Variants in LINGO2 observed in about 807,000 individuals in gnomAD.
LINGO2 encodes leucine-rich repeat and immunoglobulin-like domain-containing nogo receptor-interacting protein 2.
A neutral mutation model predicts 30.6 loss-of-function variants in LINGO2; 14 were observed. The observed-to-expected ratio is 0.46, with a 90% CI of 0.30 to 0.72. LINGO2 has a LOEUF of 0.72. LINGO2 is among the 30% of genes least tolerant of loss of function. The pLI is 0.07. For synonymous variants in LINGO2, 317 were observed against 288.5 expected (o/e 1.10, Z -1.00); for missense variants, 729 against 751.7 (o/e 0.97, Z 0.35).
intron 4 of LINGO2, among the ~76,000 whole-genome samples, chr9:28,173,885 C>G (rs1311764856): frequency 6.6e-6 from 1 of 152,160 alleles, no homozygotes; most frequent in Non-Finnish European, 1.5e-5. Flanking sequence ...CAGGAACCCT[C>G]AACTGGACAC....
At chr9:28,802,598 A>G in the LINGO2 span, among the ~76,000 whole-genome samples, 1 of 152,090 alleles carries the variant, frequency 6.6e-6, no homozygotes, top group Non-Finnish European at 1.5e-5. Context: ...CTAATATGGA[A>G]GAAACTATTG....
At chr9:29,070,812 A>G in the LINGO2 span, among the ~76,000 whole-genome samples, 3 of 151,606 alleles carry the variant, frequency 2.0e-5, no homozygotes, top group South Asian at 6.2e-4. Context: ...TTAAAATAAA[A>G]TAAGGCCAAT....
At chr9:28,658,613 A>G (rs1040815580) in intron 1 of LINGO2, among the ~76,000 whole-genome samples, 2 of 152,086 alleles carry the variant, frequency 1.3e-5, no homozygotes, top group African/African-American at 2.4e-5. Flanking sequence ...CAATCTATGC[A>G]TGTCCTTAGA....
At chr9:28,055,883 G>A (rs984433177) in intron 4 of LINGO2, among the ~76,000 whole-genome samples, 1 of 152,138 alleles carries the variant, frequency 6.6e-6, no homozygotes, top group African/African-American at 2.4e-5. Context: ...TTTGGCAAAA[G>A]TTAAATGTGG....
At chr9:28,126,858 A>G (rs1827249866) in intron 4 of LINGO2, among the ~76,000 whole-genome samples, 1 of 152,228 alleles carries the variant, frequency 6.6e-6, no homozygotes, top group African/African-American at 2.4e-5. Context: ...ATTCTCCTTC[A>G]GAGAAACAGT....
chr9:28,766,805 GGAAGGA>G, the LINGO2 span, among the ~76,000 whole-genome samples: 5 of 141,750 alleles, frequency 3.5e-5, no homozygotes, highest in South Asian at 2.1e-4. Flanking sequence ...AGAGAGAGAG[GGAAGGA>G]GAGAGAGAGA....
chr9:28,966,848 A>G, the LINGO2 span, among the ~76,000 whole-genome samples: 2 of 152,118 alleles, frequency 1.3e-5, no homozygotes, highest in African/African-American at 4.8e-5. Flanking sequence ...TAAGTAGAGT[A>G]TATTGTTTTT....
chr9:28,494,218 A>AC (rs1204817715), intron 1 of LINGO2, among the ~76,000 whole-genome samples: 1 of 152,002 alleles, frequency 6.6e-6, no homozygotes, highest in East Asian at 1.9e-4. Context: ...TATTTAGGCT[A>AC]CTTTTTTTTT....
chr9:28,054,166 T>C lies in LINGO2; in HGVS notation c.-86-41761A>G, dbSNP rs145821081. On this transcript the variant is annotated intron_variant, in intron 4 of 5. Coordinates refer to ENST00000379992, the Ensembl canonical transcript of LINGO2. ...AAGTTATTGGGACCTTAGCCTGTTG[T>C]ACATTTATTATAAGGCATTAGGAGA... 5.9e-5 allele frequency among the ~76,000 whole-genome samples: 9 copies of C among 152,186 alleles called. No homozygotes were observed. The East Asian group carries it at 1.2e-3, about 20-fold the overall frequency.
At chr9:29,095,070 C>A in the LINGO2 span, among the ~76,000 whole-genome samples, 2 of 138,600 alleles carry the variant, frequency 1.4e-5, no homozygotes, top group East Asian at 5.0e-4. Context: ...GAAATGTTTA[C>A]AAGTTCATTG....
At chr9:28,488,981 T>A (rs1009508915) in intron 1 of LINGO2, among the ~76,000 whole-genome samples, 4 of 152,220 alleles carry the variant, frequency 2.6e-5, no homozygotes, top group African/African-American at 9.6e-5. Flanking sequence ...TGTTTTGAAA[T>A]AAATTATTTT....
At chr9:28,887,296 G>C in the LINGO2 span, among the ~76,000 whole-genome samples, 1 of 151,856 alleles carries the variant, frequency 6.6e-6, no homozygotes, top group Non-Finnish European at 1.5e-5. Context: ...TCTAGTTATT[G>C]AAAGTCAAGG....
the LINGO2 span, among the ~76,000 whole-genome samples, chr9:29,078,708 A>C: frequency 6.6e-6 from 1 of 151,974 alleles, no homozygotes; most frequent in Admixed American, 6.6e-5. Context: ...ATGTTCTATT[A>C]AGTTTACAGT....
intron 2 of LINGO2, among the ~76,000 whole-genome samples, chr9:28,456,846 G>A (rs539555411): frequency 2.6e-5 from 4 of 152,288 alleles, no homozygotes; most frequent in Non-Finnish European, 4.4e-5. Context: ...CACTGGTCCT[G>A]CTAAACATAT....
chr9:28,353,456 C>A (rs1195051827), intron 3 of LINGO2, among the ~76,000 whole-genome samples: 1 of 151,726 alleles, frequency 6.6e-6, no homozygotes, highest in East Asian at 1.9e-4. Flanking sequence ...CAATGAGATA[C>A]CATCTCACAC....
chr9:28,910,811 A>G, the LINGO2 span, among the ~76,000 whole-genome samples: 1 of 152,052 alleles, frequency 6.6e-6, no homozygotes, highest in African/African-American at 2.4e-5. Context: ...GCAGTATGAG[A>G]ATGAACTAAT....
At chr9:29,042,222 C>T in the LINGO2 span, among the ~76,000 whole-genome samples, 2 of 151,830 alleles carry the variant, frequency 1.3e-5, no homozygotes, top group African/African-American at 4.8e-5. Context: ...ATATAGCCAC[C>T]CTTGTCTACG....
At chr9:27,938,200 G>A in the LINGO2 span, 1 of 152,126 alleles carries the variant, frequency 6.6e-6, no homozygotes, top group African/African-American at 2.4e-5. Flanking sequence ...TACGAATTTT[G>A]TAAAAGTCAA....
intron 2 of LINGO2, among the ~76,000 whole-genome samples, chr9:28,408,403 A>T (rs1183309547): frequency 1.3e-5 from 2 of 152,124 alleles, no homozygotes; most frequent in Non-Finnish European, 2.9e-5. Context: ...CCTCCAGAGG[A>T]TTATGCTTTT....
Sources: gnomAD v4.1 joint callset for allele counts (sites outside exome capture counted in the v4.1 genomes callset) on GRCh38, gnomAD v4.1.1 for gene constraint, MANE v1.5 for transcripts, NCBI Gene and HGNC (gene_info 2026-07-23, HGNC 2026-07-21) for gene names.